The following GPC1 variants were observed in gnomAD, a reference collection of about 807,000 sequenced individuals.
GPC1 encodes glypican 1.
Under a neutral mutation model 51.5 loss-of-function variants are expected in GPC1, and 26 were observed. The ratio of observed to expected loss-of-function variants is 0.50; its 90% CI spans 0.37 to 0.70. GPC1 has a LOEUF of 0.70. Ranked by LOEUF, GPC1 falls within the 30% of genes least tolerant of loss-of-function variation. The probability of loss-of-function intolerance (pLI) is 0.00; values close to 1 mark genes in which losing one functional copy is unlikely to be tolerated. For missense variants in GPC1, 775 were observed against 800.5 expected, an observed-to-expected ratio of 0.97 and a Z score of 0.38; for synonymous variants, 380 against 348.3, an observed-to-expected ratio of 1.09 and a Z score of -1.01.
chr2:240,465,443 T>G (rs767448694), intron 7 of GPC1, 30 bp from the exon 8 acceptor site: 1 of 1,605,602 alleles, frequency 6.2e-7, no homozygotes, highest in Non-Finnish European at 8.5e-7. Context: ...GCTGGAGCAG[T>G]GACCTGGGCT....
intron 1 of GPC1, chr2:240,458,332 T>C (rs1318768667): frequency 3.6e-6 from 1 of 275,270 alleles, no homozygotes; most frequent in South Asian, 3.6e-5. Flanking sequence ...GCAGTGCCGC[T>C]GTCACTGCCT....
chr2:240,442,475 C>T (rs542488158), intron 1 of GPC1: 1 of 152,382 alleles, frequency 6.6e-6, no homozygotes, highest in African/African-American at 2.4e-5. Context: ...AAGTCTGCTC[C>T]ACACTGCCAG....
Position 240,466,320 on chromosome 2 carries a change from A to G in GPC1, c.*30A>G. 1.6e-6 allele frequency: 2 copies of G among 1,261,314 alleles called. No individual in the cohort carries two copies. The highest frequency in any genetic ancestry group is 2.3e-6 in the Non-Finnish European group (2 of 863,264). The allele number at this position is 1,261,314 out of a possible 1,614,324, so 78.1% of individuals were successfully genotyped here. On this transcript the variant is annotated 3_prime_UTR_variant, in exon 9 of 9. Coordinates refer to ENST00000264039, the MANE Select transcript of GPC1 (RefSeq NM_002081.3). The stretch of plus-strand genomic sequence containing the variant: ...CCCAAGGCCCCAGGGACAGAGGCCA[A>G]GGACTGACTTTGCCAAAAATACAAC...
At chr2:240,458,304 G>A (rs1015746390) in intron 1 of GPC1, 10 of 285,944 alleles carry the variant, frequency 3.5e-5, no homozygotes, top group African/African-American at 4.3e-5. Flanking sequence ...CCACAAGGAG[G>A]TGAAGCTGTC....
At chr2:240,440,372 GGGCCAGATCT>G (rs1025492806) in intron 1 of GPC1, among the ~76,000 whole-genome samples, 10 of 152,196 alleles carry the variant, frequency 6.6e-5, no homozygotes, top group Admixed American at 5.9e-4. Flanking sequence ...GCTCCTCTTA[GGGCCAGATCT>G]GGCTACAGCA....
intron 1 of GPC1, among the ~76,000 whole-genome samples, chr2:240,442,747 CG>C (rs749418721): frequency 1.3e-5 from 2 of 152,206 alleles, no homozygotes; most frequent in African/African-American, 2.4e-5. Context: ...TAGCCCAGCC[CG>C]GCACACCTAC....
At chr2:240,453,660 C>T (rs2074127650) in intron 1 of GPC1, among the ~76,000 whole-genome samples, 2 of 150,160 alleles carry the variant, frequency 1.3e-5, no homozygotes, top group African/African-American at 2.4e-5. Context: ...GCCCCCTTCC[C>T]TCCCCGCCGC....
rs1574774727 is a variant in GPC1 at position 240,459,022 on chromosome 2, C to T, written c.167-8C>T. ...GCCCCTCTCCCTCACACTGGCCTTTCCCCACAGGTGAGCACCTGCGGATCT... is the reference window on the plus strand; with the variant it reads ...GCCCCTCTCCCTCACACTGGCCTTTTCCCACAGGTGAGCACCTGCGGATCT... On this transcript the variant is annotated splice_region_variant and splice_polypyrimidine_tract_variant and intron_variant, in intron 1 of 8. Transcript: ENST00000264039. 6.2e-7 allele frequency: 1 copy of T among 1,611,870 alleles called. No individual in the cohort carries two copies. The highest frequency in any genetic ancestry group is 1.1e-5 in the South Asian group (1 of 90,994).
intron 4 of GPC1, 136 bp from the exon 5 acceptor site, chr2:240,464,480 C>A (rs2074243077): frequency 8.4e-7 from 1 of 1,191,200 alleles, no homozygotes. Context: ...CCTGAGTGCA[C>A]ACGTGGGATC....
chr2:240,457,720 C>T (rs952497494), intron 1 of GPC1, among the ~76,000 whole-genome samples: 5 of 152,274 alleles, frequency 3.3e-5, no homozygotes, highest in Non-Finnish European at 7.4e-5. Flanking sequence ...CCCTCGGTCC[C>T]GGTCCTGGCT....
At chr2:240,465,688 T>C in intron 8 of GPC1, 40 bp downstream of exon 8, 3 of 1,576,464 alleles carry the variant, frequency 1.9e-6, no homozygotes, top group Non-Finnish European at 2.6e-6. Context: ...GGGGCCAGGG[T>C]TGGTGGGGGT....
At position 240,461,034 on chromosome 2, in the gene GPC1, G is replaced by A. The variant is rs76257519; in HGVS notation, c.326-1157G>A. Among the ~76,000 whole-genome samples the A allele has an allele frequency of 1.2e-3, 179 of 150,006 alleles. 3 individuals are homozygous for A. The East Asian group carries it at 0.015, about 13-fold the overall frequency. ...GCAGCTGAATGGGTTCTGGCAGGAG[G>A]TAGAGCTGGGGACTGCACCTGGATT... On this transcript the variant is annotated intron_variant, in intron 2 of 8. Coordinates refer to ENST00000264039, the MANE Select transcript of GPC1 (RefSeq NM_002081.3).
At chr2:240,439,250 C>A (rs2074003059) in intron 1 of GPC1, among the ~76,000 whole-genome samples, 4 of 152,292 alleles carry the variant, frequency 2.6e-5, no homozygotes, top group Admixed American at 2.6e-4. Flanking sequence ...TCGGAGGACA[C>A]CCCCAGGCCT....
intron 1 of GPC1, among the ~76,000 whole-genome samples, chr2:240,443,864 C>T (rs7575970): frequency 0.11 from 16,298 of 152,252 alleles, 1,277 homozygotes; most frequent in African/African-American, 0.21. Context: ...GATGGGAAAG[C>T]TGAGTCCCAG....
chr2:240,440,864 C>T (rs1014560633), intron 1 of GPC1, among the ~76,000 whole-genome samples: 7 of 152,274 alleles, frequency 4.6e-5, no homozygotes, highest in Non-Finnish European at 1.0e-4. Flanking sequence ...ACAGCTGGGC[C>T]TCACCCTCCG....
chr2:240,450,840 A>C (rs1402304375), intron 1 of GPC1: 2 of 461,166 alleles, frequency 4.3e-6, no homozygotes, highest in Admixed American at 4.8e-5. Flanking sequence ...CAGGAGCAAG[A>C]AAGTGGAGGC....
chr2:240,463,678 G>A (rs746361641), intron 4 of GPC1, 166 bp downstream of exon 4: 1 of 614,658 alleles, frequency 1.6e-6, no homozygotes, highest in East Asian at 2.8e-5. Flanking sequence ...GAGGGGCCAG[G>A]GTGCCTTTTG....
chr2:240,449,735 G>T, intron 1 of GPC1: 1 of 429,446 alleles, frequency 2.3e-6, no homozygotes, highest in Non-Finnish European at 4.8e-6. Flanking sequence ...CGCCCCTGGT[G>T]CCCGCCATCC....
intron 1 of GPC1, among the ~76,000 whole-genome samples, chr2:240,445,835 C>T (rs553925048): frequency 3.3e-5 from 5 of 152,312 alleles, no homozygotes; most frequent in South Asian, 2.1e-4. Flanking sequence ...TGGAAAACGG[C>T]GTCCTCTCAC....
Sources: allele counts gnomAD v4.1 joint callset (sites outside exome capture counted in the v4.1 genomes callset), GRCh38; gene constraint gnomAD v4.1.1; transcripts MANE v1.5; gene names NCBI Gene and HGNC (gene_info 2026-07-23, HGNC 2026-07-21).